COMMD2: variants seen among roughly 807,000 people sequenced by gnomAD.
COMMD2 encodes COMM domain containing 2, also known as COMM domain-containing protein 2.
COMMD2 carries 25 observed loss-of-function variants against 22.5 expected under a neutral mutation model. The ratio of observed to expected loss-of-function variants is 1.11; its 90% CI spans 0.81 to 1.55. COMMD2 has a LOEUF of 1.55. COMMD2 is among the 40% of genes most tolerant of loss of function. The pLI is 0.00. For missense variants in COMMD2, 223 were observed against 232.9 expected, an observed-to-expected ratio of 0.96 and a Z score of 0.28; for synonymous variants, 98 against 91.2, an observed-to-expected ratio of 1.07 and a Z score of -0.42.
Position 149,752,292 on chromosome 3 carries a change from A to T in COMMD2, c.68-5T>A. The T allele has an allele frequency of 6.2e-7, 1 of 1,614,042 alleles. No homozygotes were observed. On this transcript the variant is annotated splice_region_variant and splice_polypyrimidine_tract_variant and intron_variant, in intron 1 of 4. Coordinates refer to ENST00000473414, the MANE Select transcript of COMMD2 (RefSeq NM_016094.4). The stretch of plus-strand genomic sequence containing the variant: ...TCCGCCCAAACTCGGCGACCACTGC[A>T]ATGAAAGTCAGAAGGCTGTTGAGTG...
intron 4 of COMMD2, among the ~76,000 whole-genome samples, chr3:149,745,439 G>A (rs888519124): frequency 6.6e-6 from 1 of 152,122 alleles, no homozygotes; most frequent in Non-Finnish European, 1.5e-5. Flanking sequence ...TTGCCCTCCT[G>A]GAGCCTACAG....
At chr3:149,746,433 G>A (rs1716367335) in intron 4 of COMMD2, among the ~76,000 whole-genome samples, 1 of 152,088 alleles carries the variant, frequency 6.6e-6, no homozygotes, top group Non-Finnish European at 1.5e-5. Context: ...GGGTGTATTA[G>A]TCCTTTCTCA....
chr3:149,746,081 T>C (rs571436883), intron 4 of COMMD2, among the ~76,000 whole-genome samples: 43 of 152,376 alleles, frequency 2.8e-4, no homozygotes, highest in Admixed American at 1.6e-3. Context: ...ACTGTGGAGA[T>C]TGCAACTTAT....
chr3:149,752,248 C>T lies in COMMD2; in HGVS notation c.107G>A (p.Arg36Lys). Reference protein sequence around the residue: ...EFGRIAVEFLRRGANPKIYEG... With the variant: ...EFGRIAVEFLKRGANPKIYEG... ...GTAGATTTTTGGGTTTGCGCCGCGT[C>T]TCAGGAATTCCACAGCAATCCGCCC... Residue 36 changes from arginine (R) to lysine (K), a missense_variant, in exon 2 of 5, where the codon AGA becomes AAA. Arg to Lys is a conservative substitution (Grantham distance 26). Transcript: ENST00000473414. 2.5e-6 allele frequency: 4 copies of T among 1,614,146 alleles called. No homozygotes were observed. Among genetic ancestry groups the T allele is most frequent in the Non-Finnish European group, 3.4e-6 (4 of 1,180,006 alleles).
chr3:149,752,350 A>T (rs761278149), intron 1 of COMMD2, 28 bp downstream of exon 1: 1 of 1,614,032 alleles, frequency 6.2e-7, no homozygotes, highest in Admixed American at 1.7e-5. Flanking sequence ...TCCCCAGCCC[A>T]CAGAACACCG....
chr3:149,751,636 G>C (rs2108253925), intron 2 of COMMD2, 151 bp from the exon 3 acceptor site: 1 of 610,526 alleles, frequency 1.6e-6, no homozygotes, highest in Non-Finnish European at 2.7e-6. Flanking sequence ...CCTGCTCCTT[G>C]TCATTCCACT....
At chr3:149,752,126 A>G in intron 2 of COMMD2, 84 bp downstream of exon 2, 1 of 1,138,200 alleles carries the variant, frequency 8.8e-7, no homozygotes, top group Non-Finnish European at 1.3e-6. Context: ...TAGGACTCGC[A>G]ATAATCCGTT....
chr3:149,751,219 C>A lies in COMMD2; in HGVS notation c.228+184G>T, dbSNP rs79009913. Reference sequence around the variant, plus strand: ...CTTCTATACTAGCTATTTATACTAGCAAGAGGTATTCATATCAGCAGATGA... The same window carrying A: ...CTTCTATACTAGCTATTTATACTAGAAAGAGGTATTCATATCAGCAGATGA... On this transcript the variant is annotated intron_variant, in intron 3 of 4. Coordinates refer to ENST00000473414, the MANE Select transcript of COMMD2 (RefSeq NM_016094.4). 4.3e-3 allele frequency: 3,552 copies of A among 826,754 alleles called. 93 individuals are homozygous for A. The African/African-American group carries it at 0.051, about 12-fold the overall frequency. 51.2% of individuals were successfully genotyped at this position (826,754 alleles called of 1,614,324 possible). A position where few individuals can be genotyped will look rare whatever the true frequency, so the allele number is the denominator to read the frequency against.
In COMMD2 at chr3:149,741,568, C is replaced by A; in HGVS notation, c.553G>T (p.Glu185Ter). ...LVQQLEQALE[E>*]MKTNHCRRVV... Reference sequence around the variant, plus strand: ...CTCCTACAGTGATTTGTCTTCATCTCTTCCAATGCTTGTTCCAGTTGTTGA... The same window carrying A: ...CTCCTACAGTGATTTGTCTTCATCTATTCCAATGCTTGTTCCAGTTGTTGA... The change falls in exon 5 of 5, where the codon GAG (glutamate) becomes TAG (stop). Residue 185 changes from glutamate to a stop codon, truncating the protein, a stop_gained. Transcript: ENST00000473414. LOFTEE classifies it high-confidence loss of function. 6.2e-7 allele frequency: 1 copy of A among 1,614,132 alleles called. No individual in the cohort carries two copies. The highest frequency in any genetic ancestry group is 8.5e-7 in the Non-Finnish European group (1 of 1,180,004).
chr3:149,746,076 G>A (rs1328816703), intron 4 of COMMD2, among the ~76,000 whole-genome samples: 2 of 152,186 alleles, frequency 1.3e-5, no homozygotes, highest in African/African-American at 4.8e-5. Context: ...CACCTACTGT[G>A]GAGATTGCAA....
chr3:149,746,977 A>C (rs962990873), intron 4 of COMMD2, among the ~76,000 whole-genome samples: 2 of 152,186 alleles, frequency 1.3e-5, no homozygotes, highest in Non-Finnish European at 2.9e-5. Context: ...CTATCACAAG[A>C]ACAGCATGGG....
intron 4 of COMMD2, among the ~76,000 whole-genome samples, chr3:149,747,917 C>T (rs1362613341): frequency 1.4e-5 from 2 of 140,346 alleles, no homozygotes; most frequent in Non-Finnish European, 3.0e-5. Flanking sequence ...CACTGCACTC[C>T]AGTCTGGGCG....
chr3:149,744,811 T>C (rs905660047), intron 4 of COMMD2, among the ~76,000 whole-genome samples: 4 of 152,196 alleles, frequency 2.6e-5, no homozygotes, highest in African/African-American at 9.7e-5. Context: ...TTCTAGCCCT[T>C]AAATGCACTT....
chr3:149,743,995 A>G (rs1716301959), intron 4 of COMMD2, among the ~76,000 whole-genome samples: 3 of 152,328 alleles, frequency 2.0e-5, no homozygotes, highest in Admixed American at 2.0e-4. Context: ...AAGAGATTAC[A>G]TAACATCCCT....
rs1716533836 is a variant in COMMD2, at chr3:149,751,575, T to G, written c.146-90A>C. The G allele has an allele frequency of 5.2e-6, 6 of 1,164,114 alleles. No individual in the cohort carries two copies. In the South Asian group the frequency reaches 1.0e-4, roughly 20 times the overall value. 72.1% of individuals were successfully genotyped at this position (1,164,114 alleles called of 1,614,324 possible). A position where few individuals can be genotyped will look rare whatever the true frequency, so the allele number is the denominator to read the frequency against. On this transcript the variant is annotated intron_variant, in intron 2 of 4. Transcript: ENST00000473414. ...GTATTTAAAAATAAACACTATTCAT[T>G]ATTACATGTTTTCAAACACTGCATG...
chr3:149,752,478 G>T lies in COMMD2; in HGVS notation c.-34C>A. On this transcript the variant is annotated 5_prime_UTR_variant, in exon 1 of 5. Transcript: ENST00000473414. ...TCCTACGATTTCACCCGGCAGCGCC[G>T]ACCCCGCCTTCGCCACTTCCGGCGC... is the stretch of plus-strand genomic sequence containing the variant. 3 of 1,589,116 alleles carry T rather than the reference G, an allele frequency of 1.9e-6. No homozygotes were observed. The highest frequency in any genetic ancestry group is 1.7e-6 in the Non-Finnish European group (2 of 1,164,720).
chr3:149,751,342 G>C, intron 3 of COMMD2, 61 bp downstream of exon 3: 1 of 1,612,306 alleles, frequency 6.2e-7, no homozygotes, highest in South Asian at 1.1e-5. Flanking sequence ...CTATGATGTA[G>C]AGTACACCAG....
Position 149,740,332 on chromosome 3 carries a change from T to C in COMMD2, c.*1189A>G, listed in dbSNP as rs1008372860. ...GAAGGGATAGTTGCCTATAATGTAA[T>C]AAACATGGCCTTCCTTCCCTCATCA... On this transcript the variant is annotated 3_prime_UTR_variant, in exon 5 of 5. Transcript: ENST00000473414. 6.6e-6 allele frequency: 1 copy of C among 152,220 alleles called. No homozygotes were observed. Among genetic ancestry groups the C allele is most frequent in the East Asian group, 1.9e-4 (1 of 5,200 alleles). 9.4% of individuals were successfully genotyped at this position (152,220 alleles called of 1,614,324 possible).
chr3:149,749,067 T>G (rs1464869677), intron 4 of COMMD2, among the ~76,000 whole-genome samples: 5 of 151,620 alleles, frequency 3.3e-5, no homozygotes, highest in African/African-American at 2.4e-5. Context: ...CAGGCTGGAG[T>G]GCAGTGGCAC....
Sources: allele counts gnomAD v4.1 joint callset (sites outside exome capture counted in the v4.1 genomes callset), GRCh38; gene constraint gnomAD v4.1.1; transcripts MANE v1.5; gene names NCBI Gene and HGNC (gene_info 2026-07-23, HGNC 2026-07-21).